Variants in KIF7 observed in about 807,000 individuals in gnomAD.
KIF7 encodes the protein kinesin family member 7, also known as kinesin-like protein KIF7.
A neutral mutation model predicts 135.7 loss-of-function variants in KIF7; 104 were observed. The observed-to-expected ratio is 0.77, with a 90% CI of 0.65 to 0.90. KIF7 has a LOEUF of 0.90. KIF7 is among the 40% of genes least tolerant of loss of function. The pLI is 0.00. For missense variants in KIF7, 2,005 were observed against 1,839.1 expected (o/e 1.09, Z -1.65); for synonymous variants, 883 against 809.4 (o/e 1.09, Z -1.54).
At chr15:89,630,654 G>A (rs1033231629) in intron 15 of KIF7, 161 bp from the exon 16 acceptor site, 4 of 689,454 alleles carry the variant, frequency 5.8e-6, no homozygotes, top group African/African-American at 1.8e-5. Flanking sequence ...CCTGCTCACT[G>A]TCACAGCCCC....
Position 89,633,848 on chromosome 15 carries a change from C to G in KIF7, c.2430G>C (p.Leu810=). 6.2e-7 allele frequency: 1 copy of G among 1,613,798 alleles called. No homozygotes were observed. Among genetic ancestry groups the G allele is most frequent in the Non-Finnish European group, 8.5e-7 (1 of 1,180,048 alleles). The change falls in exon 12 of 19, where the codon CTG becomes CTC. Residue 810 remains leucine (L), a synonymous_variant. Transcript: ENST00000394412. The part of the protein sequence containing the change: ...LKEKKQATER[L]VSLSAQSEKR... ...TCTCACTCTGGGCCGACAGTGACAC[C>G]AGCCGCTCCGTAGCCTGCTTCTTCT...
downstream of KIF7, chr15:89,624,565 G>C (rs2141984908): frequency 6.2e-7 from 1 of 1,613,616 alleles, no homozygotes; most frequent in Non-Finnish European, 8.5e-7. Context: ...TGCCCCCACA[G>C]ACTCTAGAGA....
At chr15:89,629,271 G>T in intron 17 of KIF7, 104 bp downstream of exon 17, 1 of 1,196,098 alleles carries the variant, frequency 8.4e-7, no homozygotes, top group Non-Finnish European at 1.1e-6. Context: ...GGGGCTGTGA[G>T]TGGCAGGGGC....
Position 89,647,711 on chromosome 15 carries a change from T to C in KIF7, c.1445A>G (p.Glu482Gly). 6.4e-7 allele frequency: 1 copy of C among 1,565,444 alleles called. No individual in the cohort carries two copies. Among genetic ancestry groups the C allele is most frequent in the Non-Finnish European group, 8.6e-7 (1 of 1,157,880 alleles). Residue 482 changes from glutamate to glycine, a missense_variant and splice_region_variant, in exon 6 of 19, where the codon GAG becomes GGG. By Grantham distance (98) the Glu-to-Gly change is moderately conservative. Transcript: ENST00000394412. ...CAGCAGCTGCTGCGCCCCCTCATCCTCCTATAGGGCAGGGAGAGGGGCTTC... is the reference window on the plus strand; with the variant it reads ...CAGCAGCTGCTGCGCCCCCTCATCCCCCTATAGGGCAGGGAGAGGGGCTTC... ...QAAQGAGGRKEDEGAQQLLTL... is the reference protein window; with the variant it reads ...QAAQGAGGRKGDEGAQQLLTL...
chr15:89,655,006 C>T (rs1964185793), intron 1 of KIF7, among the ~76,000 whole-genome samples: 1 of 152,244 alleles, frequency 6.6e-6, no homozygotes, highest in South Asian at 2.1e-4. Flanking sequence ...GCTCCCGCTC[C>T]GAAGGTGCTC....
intron 11 of KIF7, among the ~76,000 whole-genome samples, chr15:89,639,235 G>A (rs1963871279): frequency 6.6e-6 from 1 of 152,160 alleles, no homozygotes; most frequent in South Asian, 2.1e-4. Context: ...GCATGGGCAA[G>A]GACTTCATGT....
At chr15:89,625,310 G>A (rs764932324), downstream of KIF7, 4 of 1,614,008 alleles carry the variant, frequency 2.5e-6, no homozygotes, top group Admixed American at 6.7e-5. Flanking sequence ...GGGGTTCCTT[G>A]GACACCATCC....
chr15:89,630,318 G>C lies in KIF7; in HGVS notation c.3287C>G (p.Thr1096Ser). Residue 1096 changes from threonine to serine, a missense_variant, in exon 16 of 19, where the codon ACC becomes AGC. Coordinates refer to ENST00000394412, the MANE Select transcript of KIF7 (RefSeq NM_198525.3). ...AAAATACTTGCAGAGGAGGGCTCTG[G>C]TCTCTGAGGATGAGAGGTAGCTGAG... ...AKLSYLSSSE[T>S]RALLCKYFDK... The C allele has an allele frequency of 6.2e-7, 1 of 1,614,194 alleles. No individual in the cohort carries two copies. Among genetic ancestry groups the C allele is most frequent in the Non-Finnish European group, 8.5e-7 (1 of 1,180,040 alleles).
At chr15:89,662,371 C>A in the KIF7 span, among the ~76,000 whole-genome samples, 1 of 152,162 alleles carries the variant, frequency 6.6e-6, no homozygotes. Flanking sequence ...GTGGCGCACA[C>A]CTGTAATCTC....
intron 1 of KIF7, among the ~76,000 whole-genome samples, chr15:89,622,121 G>A (rs1963437004): frequency 6.6e-6 from 1 of 151,332 alleles, no homozygotes; most frequent in African/African-American, 2.4e-5. Flanking sequence ...AAGTAGCTAG[G>A]ATTACAGGCA....
chr15:89,627,956 T>A (rs1176438530), downstream of KIF7: 1 of 155,064 alleles, frequency 6.4e-6, no homozygotes, highest in African/African-American at 2.4e-5. Context: ...AATCAAACTC[T>A]AAGTGAAAAC....
rs530180509 is a variant in KIF7, at chr15:89,631,769, CAG to C, written c.2896-61_2896-60del. On this transcript the variant is annotated intron_variant, in intron 14 of 18. Transcript: ENST00000394412. ...ACAGGCACTGTCCTCACAGGGGGGA[CAG>C]AAAGGGCCGGATGTTAAGGAGGACT... 136 of 1,419,000 alleles carry C rather than the reference CAG, an allele frequency of 9.6e-5. No individual in the cohort carries two copies. The South Asian group carries it at 1.7e-3, about 18-fold the overall frequency. 87.9% of individuals were successfully genotyped at this position (1,419,000 alleles called of 1,614,324 possible).
chr15:89,655,240 G>C (rs1243409306), intron 1 of KIF7, among the ~76,000 whole-genome samples, 159 bp downstream of exon 1: 1 of 152,208 alleles, frequency 6.6e-6, no homozygotes, highest in Non-Finnish European at 1.5e-5. Context: ...CTTCCAGGAG[G>C]CTGGGGAGCA....
At chr15:89,642,505 T>A in intron 10 of KIF7, 100 bp from the exon 11 acceptor site, 1 of 967,732 alleles carries the variant, frequency 1.0e-6, no homozygotes, top group Admixed American at 2.5e-5. Context: ...GACACCTGTG[T>A]GGGTTTCACC....
downstream of KIF7, chr15:89,625,734 T>C (rs2141986498): frequency 6.2e-7 from 1 of 1,613,142 alleles, no homozygotes; most frequent in Admixed American, 1.7e-5. Context: ...GGTCTCCAAG[T>C]TGGAGTGCAT....
downstream of KIF7, chr15:89,625,891 T>C (rs770354458): frequency 3.9e-5 from 60 of 1,543,490 alleles, no homozygotes; most frequent in Non-Finnish European, 5.1e-5. Context: ...GGCTTCCCGG[T>C]TGGGGGTCTG....
rs778389919 is a variant in KIF7, at chr15:89,629,121, G to A, written c.3519C>T (p.Asp1173=). Residue 1173 remains aspartate, a splice_region_variant and synonymous_variant, in exon 18 of 19, where the codon GAC becomes GAT. Transcript: ENST00000394412. ...TGTCTGCTAACCCTTCACCGAGGTGGTCTAGAGTGGAAAGGTCGAGGAGAG... is the reference window on the plus strand; with the variant it reads ...TGTCTGCTAACCCTTCACCGAGGTGATCTAGAGTGGAAAGGTCGAGGAGAG... ...NMQLLLQQSR[D]HLGEGLADSR... 7.5e-6 allele frequency: 12 copies of A among 1,606,848 alleles called. No individual in the cohort carries two copies. Among genetic ancestry groups the A allele is most frequent in the East Asian group, 2.3e-5 (1 of 44,034 alleles).
rs763238645 is a variant in KIF7, at chr15:89,647,058, C to T, written c.1561-1G>A. The T allele has an allele frequency of 2.5e-5, 39 of 1,581,636 alleles. No homozygotes were observed. Among genetic ancestry groups the T allele is most frequent in the Non-Finnish European group, 3.3e-5 (38 of 1,166,174 alleles). ...CCTGCTGCTCACGCAGCCGGTCGCT[C>T]TGCAAGACATGGTCCAGGTGCCAAG... On this transcript the variant is annotated splice_acceptor_variant, in intron 6 of 18. Coordinates refer to ENST00000394412, the MANE Select transcript of KIF7 (RefSeq NM_198525.3). LOFTEE classifies it high-confidence loss of function.
At chr15:89,648,157 A>G (rs781393581) in intron 5 of KIF7, 98 bp downstream of exon 5, 178 of 1,350,644 alleles carry the variant, frequency 1.3e-4, no homozygotes, top group Non-Finnish European at 1.6e-4. Context: ...GCTAATGGGC[A>G]GGAGGCAGGG....
Sources: allele counts gnomAD v4.1 joint callset (sites outside exome capture counted in the v4.1 genomes callset), GRCh38; gene constraint gnomAD v4.1.1; transcripts MANE v1.5; gene names NCBI Gene and HGNC (gene_info 2026-07-23, HGNC 2026-07-21).